ITGA8: variants seen among roughly 807,000 people sequenced by gnomAD.
ITGA8 encodes integrin alpha-8.
ITGA8 carries 91 observed loss-of-function variants against 142.3 expected under a neutral mutation model. The ratio of observed to expected loss-of-function variants is 0.64; its 90% confidence interval spans 0.54 to 0.76. ITGA8 has a LOEUF of 0.76. Among genes scored for constraint, ITGA8 ranks in the 30% least tolerant of loss-of-function variants. ITGA8 has a pLI of 0.00. For missense variants in ITGA8, 1,406 were observed against 1,327.7 expected, an observed-to-expected ratio of 1.06 and a Z score of -0.92; for synonymous variants, 505 against 485.2, an observed-to-expected ratio of 1.04 and a Z score of -0.54.
chr10:15,587,338 TAAA>T (rs774994600), intron 22 of ITGA8, among the ~76,000 whole-genome samples: 5 of 152,172 alleles, frequency 3.3e-5, no homozygotes, highest in Non-Finnish European at 7.3e-5. Context: ...CATTGCCCAT[TAAA>T]TAGGAAGTAA....
intron 8 of ITGA8, among the ~76,000 whole-genome samples, chr10:15,670,980 T>C (rs1834504255): frequency 6.6e-6 from 1 of 152,212 alleles, no homozygotes; most frequent in South Asian, 2.1e-4. Flanking sequence ...GGCTCCGTTT[T>C]CTTAACACCA....
At chr10:15,658,118 C>G (rs1025822363) in intron 10 of ITGA8, among the ~76,000 whole-genome samples, 1 of 152,106 alleles carries the variant, frequency 6.6e-6, no homozygotes, top group African/African-American at 2.4e-5. Context: ...ATCTACAATC[C>G]TTGATTTATT....
chr10:15,597,273 G>T lies in ITGA8; in HGVS notation c.2145C>A (p.Tyr715Ter). The T allele has an allele frequency of 6.2e-7, 1 of 1,613,996 alleles. No homozygotes were observed. The highest frequency in any genetic ancestry group is 8.5e-7 in the Non-Finnish European group (1 of 1,179,928). ...CCATCCTGGTTACATTTTCCATCTTGTACTCACAGCTCAGTGGTCGAAATC... is the reference window on the plus strand; with the variant it reads ...CCATCCTGGTTACATTTTCCATCTTTTACTCACAGCTCAGTGGTCGAAATC... ...NKGFRPLSCE[Y>*]KMENVTRMVV... The change falls in exon 21 of 30, where the codon TAC becomes TAA. Residue 715 changes from tyrosine to a stop codon, truncating the protein, a stop_gained. Transcript: ENST00000378076. LOFTEE classifies it high-confidence loss of function.
chr10:15,520,209 C>T (rs1383502221), intron 28 of ITGA8, among the ~76,000 whole-genome samples: 1 of 152,028 alleles, frequency 6.6e-6, no homozygotes, highest in African/African-American at 2.4e-5. Flanking sequence ...CTCAGGAGGT[C>T]GAGACCAGAC....
chr10:15,589,731 T>C (rs1329424293), intron 22 of ITGA8, among the ~76,000 whole-genome samples: 1 of 151,490 alleles, frequency 6.6e-6, no homozygotes, highest in East Asian at 1.9e-4. Flanking sequence ...ACCCTAGTAA[T>C]TGAGTTTTTA....
chr10:15,544,607 A>G (rs1344237031), intron 27 of ITGA8, among the ~76,000 whole-genome samples: 1 of 152,204 alleles, frequency 6.6e-6, no homozygotes, highest in South Asian at 2.1e-4. Context: ...TTATGCTTTC[A>G]GACAAATTGC....
rs1340350265 is a variant in ITGA8 at position 15,607,418 on chromosome 10, C to T, written c.1764+259G>A. ...GGGAGGAGGTGGGTAGAAATGAAAA[C>T]CATGTGAGCTGAATGCCATTATAAA... On this transcript the variant is annotated intron_variant, in intron 17 of 29. Coordinates refer to ENST00000378076, the MANE Select transcript of ITGA8 (RefSeq NM_003638.3). Among the ~76,000 whole-genome samples the T allele has an allele frequency of 3.3e-5, 5 of 152,164 alleles. No individual in the cohort carries two copies. The East Asian group carries it at 9.7e-4, about 29-fold the overall frequency.
Position 15,719,785 on chromosome 10 carries a change from G to A in ITGA8, c.-14C>T, listed in dbSNP as rs566262218. The A allele has an allele frequency of 5.2e-6, 7 of 1,345,870 alleles. No homozygotes were observed. The highest frequency in any genetic ancestry group is 1.9e-5 in the South Asian group (1 of 51,424). 83.4% of individuals were successfully genotyped at this position (1,345,870 alleles called of 1,614,324 possible). ...CCCGGGCGACATCTCCCTCCGCCCC[G>A]GTGGGTGGCTGCTACCCAGGAGCGC... is the stretch of plus-strand genomic sequence containing the variant. On this transcript the variant is annotated 5_prime_UTR_variant, in exon 1 of 30. Transcript: ENST00000378076.
At chr10:15,558,229 C>A (rs1479362453) in intron 25 of ITGA8, 27 bp from the exon 26 acceptor site, 2 of 1,612,690 alleles carry the variant, frequency 1.2e-6, no homozygotes, top group Admixed American at 3.3e-5. Flanking sequence ...GGAGATACCA[C>A]ATTAAAAACA....
At chr10:15,592,362 G>T in intron 21 of ITGA8, 58 bp from the exon 22 acceptor site, 1 of 1,322,534 alleles carries the variant, frequency 7.6e-7, no homozygotes, top group Non-Finnish European at 1.1e-6. Context: ...AAAATATTTT[G>T]TAAGTCATTC....
At chr10:15,559,834 CG>C (rs1381938600) in intron 25 of ITGA8, among the ~76,000 whole-genome samples, 1 of 19,944 alleles carries the variant, frequency 5.0e-5, no homozygotes, top group Non-Finnish European at 1.1e-4. Flanking sequence ...GGTAGGGGGG[CG>C]GGGGGAGGGA....
chr10:15,697,446 G>A (rs1407294552), intron 2 of ITGA8, among the ~76,000 whole-genome samples: 3 of 152,130 alleles, frequency 2.0e-5, no homozygotes, highest in Non-Finnish European at 4.4e-5. Flanking sequence ...TCCAGAGGTT[G>A]CCACCATCAG....
intron 20 of ITGA8, 72 bp downstream of exon 20, chr10:15,604,136 G>A: frequency 7.6e-7 from 1 of 1,324,262 alleles, no homozygotes; most frequent in Non-Finnish European, 1.1e-6. Context: ...CAGCTAAGAT[G>A]GCCCTTCTTA....
chr10:15,606,343 T>A lies in ITGA8; in HGVS notation c.1844A>T (p.Glu615Val). Reference sequence around the variant, plus strand: ...CAATATTGGTTTCACTTCCAGGCCTTCTTTAAAGGTGGATTCGTCCAAACT... The same window carrying A: ...CAATATTGGTTTCACTTCCAGGCCTACTTTAAAGGTGGATTCGTCCAAACT... ...NYSLDESTFKEGLEVKPILNY... is the reference protein window; with the variant it reads ...NYSLDESTFKVGLEVKPILNY... The change falls in exon 18 of 30, where the codon GAA becomes GTA. Residue 615 changes from glutamate (E) to valine (V), a missense_variant. Coordinates refer to ENST00000378076, the MANE Select transcript of ITGA8 (RefSeq NM_003638.3). 6.2e-7 allele frequency: 1 copy of A among 1,612,364 alleles called. No individual in the cohort carries two copies. Among genetic ancestry groups the A allele is most frequent in the South Asian group, 1.1e-5 (1 of 90,968 alleles).
At chr10:15,688,595 C>A (rs1359250101) in intron 2 of ITGA8, among the ~76,000 whole-genome samples, 2 of 152,154 alleles carry the variant, frequency 1.3e-5, no homozygotes, top group Non-Finnish European at 2.9e-5. Flanking sequence ...GTGCAAAAAT[C>A]TTCAACAAAA....
intron 26 of ITGA8, among the ~76,000 whole-genome samples, chr10:15,552,286 G>A (rs890248210): frequency 1.3e-5 from 2 of 152,122 alleles, no homozygotes; most frequent in Non-Finnish European, 2.9e-5. Context: ...ACAGGCGTCC[G>A]CCACCAGGCC....
chr10:15,588,903 C>G (rs1034216781), intron 22 of ITGA8, among the ~76,000 whole-genome samples: 2 of 152,202 alleles, frequency 1.3e-5, no homozygotes, highest in African/African-American at 4.8e-5. Context: ...TCAAAATCAT[C>G]TTTTGTCACA....
chr10:15,614,241 T>G (rs1373191674), intron 14 of ITGA8, among the ~76,000 whole-genome samples: 1 of 152,204 alleles, frequency 6.6e-6, no homozygotes, highest in Non-Finnish European at 1.5e-5. Flanking sequence ...CATTGATAAT[T>G]TTTAAATTTC....
chr10:15,538,531 A>AAAAAAAC (rs1833500882), intron 27 of ITGA8, among the ~76,000 whole-genome samples: 1 of 145,320 alleles, frequency 6.9e-6, no homozygotes, highest in Non-Finnish European at 1.5e-5. Context: ...AAAAAAAAAA[A>AAAAAAAC]CTATAGTTAA....
Sources: gnomAD v4.1 joint callset for allele counts (sites outside exome capture counted in the v4.1 genomes callset) on GRCh38, gnomAD v4.1.1 for gene constraint, MANE v1.5 for transcripts, NCBI Gene and HGNC (gene_info 2026-07-23, HGNC 2026-07-21) for gene names.